VPS53: variants seen among roughly 807,000 people sequenced by gnomAD.
The protein encoded by VPS53 is VPS53 subunit of GARP complex.
In VPS53, 70 loss-of-function variants were observed where a neutral mutation model predicts 107.0. That is an observed-to-expected ratio of 0.65 (90% CI 0.54 to 0.80). The LOEUF (loss-of-function observed/expected upper bound fraction) is 0.80. Ranked by LOEUF, VPS53 falls within the 30% of genes least tolerant of loss-of-function variation. The probability of loss-of-function intolerance (pLI) is 0.00; values close to 1 mark genes in which losing one functional copy is unlikely to be tolerated. For missense variants in VPS53, 917 were observed against 1,049.4 expected, an observed-to-expected ratio of 0.87 and a Z score of 1.74; for synonymous variants, 409 against 393.3, an observed-to-expected ratio of 1.04 and a Z score of -0.47.
At chr17:674,723 G>A (rs838368) in intron 4 of VPS53, 150,870 of 152,376 alleles carry the variant, frequency 0.99, 74,713 homozygotes, top group East Asian at 1. Flanking sequence ...CAGCAAAACA[G>A]GTGGCTCCCA....
chr17:674,771 T>G (rs995899105), intron 4 of VPS53: 1 of 152,240 alleles, frequency 6.6e-6, no homozygotes, highest in Non-Finnish European at 1.5e-5. Context: ...TTAAAGATAA[T>G]TTAGTATGGA....
intron 2 of VPS53, among the ~76,000 whole-genome samples, chr17:710,290 G>A (rs1441219915): frequency 6.6e-6 from 1 of 152,092 alleles, no homozygotes; most frequent in Non-Finnish European, 1.5e-5. Context: ...ATTTACAGCA[G>A]AAAATTTGGG....
chr17:650,617 T>G (rs776138467), intron 7 of VPS53, among the ~76,000 whole-genome samples: 11 of 152,246 alleles, frequency 7.2e-5, no homozygotes, highest in Non-Finnish European at 1.6e-4. Flanking sequence ...CAAGTGTTGC[T>G]GAGGGTAAGG....
At position 574,655 on chromosome 17, in the gene VPS53, CT is replaced by C. The variant is rs34081772; in HGVS notation, c.1313+11614del. 1.7e-4 allele frequency among the ~76,000 whole-genome samples: 26 copies of C among 152,226 alleles called. No individual in the cohort carries two copies. The East Asian group carries it at 4.1e-3, about 24-fold the overall frequency. On this transcript the variant is annotated intron_variant, in intron 13 of 21. Transcript: ENST00000437048. ...TGGTGTGTGCCTGTAGTCTCAGCTA[CT>C]TGAGAGGCTGAGTAGGAAAGACTGC... is the stretch of plus-strand genomic sequence containing the variant.
chr17:564,603 T>C (rs1210304853), intron 13 of VPS53, among the ~76,000 whole-genome samples: 1 of 150,458 alleles, frequency 6.6e-6, no homozygotes, highest in East Asian at 2.0e-4. Context: ...CCCAGCTACT[T>C]GGAAGGCTGA....
chr17:566,992 G>A (rs1913586682), intron 13 of VPS53, among the ~76,000 whole-genome samples: 1 of 151,858 alleles, frequency 6.6e-6, no homozygotes, highest in Non-Finnish European at 1.5e-5. Context: ...GTGATCGCCC[G>A]CCTCAGCCTC....
chr17:682,131 T>C (rs1187991463), intron 4 of VPS53, among the ~76,000 whole-genome samples: 1 of 152,208 alleles, frequency 6.6e-6, no homozygotes, highest in Non-Finnish European at 1.5e-5. Flanking sequence ...CAGAACACTT[T>C]AAACACAGCA....
chr17:535,774 A>G (rs1454942142), intron 18 of VPS53, among the ~76,000 whole-genome samples: 1 of 152,172 alleles, frequency 6.6e-6, no homozygotes, highest in Non-Finnish European at 1.5e-5. Flanking sequence ...GCAAACATTA[A>G]TGCCTCCCTG....
At chr17:641,242 G>C (rs1166827852) in intron 7 of VPS53, among the ~76,000 whole-genome samples, 2 of 152,136 alleles carry the variant, frequency 1.3e-5, no homozygotes, top group Non-Finnish European at 2.9e-5. Flanking sequence ...GGTATCTATA[G>C]ACCCAAACCT....
intron 4 of VPS53, among the ~76,000 whole-genome samples, chr17:666,827 G>C (rs141579079): frequency 6.6e-6 from 1 of 152,088 alleles, no homozygotes; most frequent in African/African-American, 2.4e-5. Flanking sequence ...GCTGAGGTAG[G>C]AGAATTGCTT....
At chr17:690,620 C>A (rs1003799170) in intron 4 of VPS53, among the ~76,000 whole-genome samples, 1 of 152,222 alleles carries the variant, frequency 6.6e-6, no homozygotes, top group African/African-American at 2.4e-5. Flanking sequence ...CTGTTTGCGA[C>A]TCTTGACCTG....
In VPS53 at chr17:519,064, TG is replaced by T. The variant is rs1023181357; in HGVS notation, c.*63del. 2.1e-6 allele frequency: 3 copies of T among 1,443,772 alleles called. No homozygotes were observed. The highest frequency in any genetic ancestry group is 1.8e-6 in the Non-Finnish European group (2 of 1,091,928). 89.4% of individuals were successfully genotyped at this position (1,443,772 alleles called of 1,614,324 possible). On this transcript the variant is annotated 3_prime_UTR_variant, in exon 22 of 22. Transcript: ENST00000437048. This position sits in a 1 kb window ranked among gnomAD's most constrained non-coding sequence, Gnocchi z 5.0. The stretch of plus-strand genomic sequence containing the variant: ...GAGTGCCGGGGAGCACAGGAGAGGT[TG>T]GGGGCTTCTGGGGAACGGGCGCTGA...
intron 11 of VPS53, among the ~76,000 whole-genome samples, chr17:610,753 TAAAAA>T (rs34089454): frequency 7.8e-6 from 1 of 128,906 alleles, no homozygotes. Flanking sequence ...CCGCCTCTAC[TAAAAA>T]AAAAAAAAAA....
rs533853036 is a variant in VPS53 at position 618,903 on chromosome 17, A to G, written c.1116+4630T>C. Reference sequence around the variant, plus strand: ...CTACAGGCGCCCACCACGCCTGCTAATATTTTCTGGGTAGCTGGGACTACA... The same window carrying G: ...CTACAGGCGCCCACCACGCCTGCTAGTATTTTCTGGGTAGCTGGGACTACA... On this transcript the variant is annotated intron_variant, in intron 11 of 21. Coordinates refer to ENST00000437048, the MANE Select transcript of VPS53 (RefSeq NM_001128159.3). 2.8e-5 allele frequency among the ~76,000 whole-genome samples: 4 copies of G among 143,248 alleles called. No individual in the cohort carries two copies. In the South Asian group the frequency reaches 6.8e-4, roughly 24 times the overall value. 94.0% of individuals were successfully genotyped at this position (143,248 alleles called of 152,430 possible). A position where few individuals can be genotyped will look rare whatever the true frequency, so the allele number is the denominator to read the frequency against.
At chr17:689,060 A>T (rs1300480808) in intron 4 of VPS53, among the ~76,000 whole-genome samples, 1 of 152,242 alleles carries the variant, frequency 6.6e-6, no homozygotes, top group East Asian at 1.9e-4. Flanking sequence ...GGAAGAAGCA[A>T]GTAGCAATTG....
chr17:690,882 TAA>T (rs1972755070), intron 4 of VPS53, among the ~76,000 whole-genome samples: 2 of 152,180 alleles, frequency 1.3e-5, no homozygotes, highest in African/African-American at 4.8e-5. Flanking sequence ...GAAAAATCAA[TAA>T]GTTTTCCTCC....
Position 714,800 on chromosome 17 carries a change from G to C in VPS53, c.-91C>G. ...GCCCCAGCACAGCAACTCCCTCGCG[G>C]CAGCGACCTGGTGAGCCCGGCTCCG... On this transcript the variant is annotated 5_prime_UTR_variant, in exon 1 of 22. Transcript: ENST00000437048. 1 of 1,422,608 alleles carries C rather than the reference G, an allele frequency of 7.0e-7. No homozygotes were observed. Among genetic ancestry groups the C allele is most frequent in the Admixed American group, 1.7e-5 (1 of 59,052 alleles). The allele number at this position is 1,422,608 out of a possible 1,614,324, so 88.1% of individuals were successfully genotyped here.
rs776184208 is a variant in VPS53 at position 562,739 on chromosome 17, G to A, written c.1320C>T (p.Leu440=). 4.4e-6 allele frequency: 7 copies of A among 1,608,610 alleles called. No homozygotes were observed. The highest frequency in any genetic ancestry group is 3.3e-5 in the South Asian group (3 of 90,632). ...CCACAAACCGATCTATCAGCTCTCC[G>A]AGGTTCCTAGGAGGAAAAAAAAAAA... is the stretch of plus-strand genomic sequence containing the variant. ...YVYIESQDKN[L]GELIDRFVAD... Residue 440 remains leucine (L), a synonymous_variant, in exon 14 of 22, where the codon CTC becomes CTT. Coordinates refer to ENST00000437048, the MANE Select transcript of VPS53 (RefSeq NM_001128159.3).
intron 13 of VPS53, among the ~76,000 whole-genome samples, chr17:578,343 A>G (rs1021825974): frequency 8.6e-5 from 13 of 151,852 alleles, no homozygotes; most frequent in African/African-American, 3.1e-4. Context: ...GTTCCCAGAG[A>G]AATTCTCTCA....
Sources: allele counts gnomAD v4.1 joint callset (sites outside exome capture counted in the v4.1 genomes callset), GRCh38; gene constraint gnomAD v4.1.1; non-coding constraint Gnocchi (gnomAD v3.1); transcripts MANE v1.5; gene names NCBI Gene and HGNC (gene_info 2026-07-23, HGNC 2026-07-21).